Variants in MYH13 observed in about 807,000 individuals in gnomAD.
MYH13 encodes the protein myosin-13.
MYH13 carries 177 observed loss-of-function variants against 232.1 expected under a neutral mutation model. The ratio of observed to expected loss-of-function variants is 0.76; its 90% CI spans 0.67 to 0.86. The LOEUF is 0.86. Among genes scored for constraint, MYH13 ranks in the 40% least tolerant of loss-of-function variants. The probability of loss-of-function intolerance (pLI) is 0.00; values close to 1 mark genes in which losing one functional copy is unlikely to be tolerated. For missense variants in MYH13, 2,246 were observed against 2,405.9 expected (o/e 0.93, Z 1.39); for synonymous variants, 884 against 923.5 (o/e 0.96, Z 0.78).
chr17:10,361,011 C>T (rs2071788056), intron 5 of MYH13, among the ~76,000 whole-genome samples: 1 of 152,146 alleles, frequency 6.6e-6, no homozygotes, highest in South Asian at 2.1e-4. Context: ...CCTGATGACA[C>T]CTTGACTTCG....
rs371040008 is a variant in MYH13, at chr17:10,344,486, A to G, written c.1585-377T>C. ...CTTAGGAAGATATACTCATTCCAAC[A>G]TGAGCAGTGCTCAAATATTATGGGA... is the stretch of plus-strand genomic sequence containing the variant. On this transcript the variant is annotated intron_variant, in intron 15 of 40. Transcript: ENST00000252172. 3.3e-5 allele frequency among the ~76,000 whole-genome samples: 5 copies of G among 152,234 alleles called. No homozygotes were observed. In the East Asian group the frequency reaches 9.6e-4, roughly 29 times the overall value.
chr17:10,343,918 G>T lies in MYH13; in HGVS notation c.1776C>A (p.Ile592=), dbSNP rs371372868. 2 of 1,614,234 alleles carry T rather than the reference G, an allele frequency of 1.2e-6. No individual in the cohort carries two copies. Among genetic ancestry groups the T allele is most frequent in the Non-Finnish European group, 1.7e-6 (2 of 1,180,048 alleles). Residue 592 remains isoleucine, a synonymous_variant, in exon 16 of 41, where the codon ATC becomes ATA. Transcript: ENST00000252172. ...CCTTGTTTTTGTCCAGCCAGCCGGC[G>T]ATGTTGTAGTCCACGGTGCCGGCAT... The part of the protein sequence containing the change: ...VHYAGTVDYN[I]AGWLDKNKDP...
At chr17:10,365,124 C>T (rs1245125791) in intron 2 of MYH13, among the ~76,000 whole-genome samples, 2 of 152,166 alleles carry the variant, frequency 1.3e-5, no homozygotes, top group Admixed American at 6.5e-5. Flanking sequence ...ATCTGCCCGC[C>T]TTGACCTCCC....
chr17:10,332,274 T>C, intron 19 of MYH13, 52 bp from the exon 20 acceptor site: 4 of 1,605,458 alleles, frequency 2.5e-6, no homozygotes, highest in Non-Finnish European at 3.4e-6. Context: ...AAAGGCTTCA[T>C]AGCTGAGACC....
At chr17:10,365,848 T>C (rs1048404584) in intron 2 of MYH13, among the ~76,000 whole-genome samples, 6 of 83,162 alleles carry the variant, frequency 7.2e-5, no homozygotes, top group African/African-American at 2.1e-4. Context: ...ATGGTGTGTG[T>C]GTGTGTGTGT....
At position 10,324,180 on chromosome 17, in the gene MYH13, GCTCCTTGACT is replaced by G; in HGVS notation, c.2766_2775del (p.Lys922AsnfsTer2). 6.2e-7 allele frequency: 1 copy of G among 1,613,884 alleles called. No homozygotes were observed. The highest frequency in any genetic ancestry group is 8.5e-7 in the Non-Finnish European group (1 of 1,179,874). ...TCTTCCTCTTCCAATCTCTCCGTCA[GCTCCTTGACT>G]TTTGCTTCCAGTAGGATCTTGCTTT... On this transcript the variant is annotated frameshift_variant, in exon 23 of 41. Transcript: ENST00000252172. LOFTEE classifies it high-confidence loss of function.
intron 13 of MYH13, 113 bp downstream of exon 13, chr17:10,346,567 A>G (rs1340119179): frequency 1.4e-6 from 1 of 695,582 alleles, no homozygotes; most frequent in Non-Finnish European, 2.2e-6. Flanking sequence ...CTTCCTCTTA[A>G]TGTGAAAGCT....
intron 18 of MYH13, among the ~76,000 whole-genome samples, chr17:10,339,252 A>G (rs1314521311): frequency 3.3e-5 from 5 of 152,226 alleles, no homozygotes; most frequent in African/African-American, 1.2e-4. Context: ...CCTTTTTGTG[A>G]CAAATGACAC....
At chr17:10,360,717 T>C (rs1423330217) in intron 5 of MYH13, among the ~76,000 whole-genome samples, 1 of 152,210 alleles carries the variant, frequency 6.6e-6, no homozygotes, top group East Asian at 1.9e-4. Flanking sequence ...GAATATGACC[T>C]TATTTGGAAA....
At chr17:10,322,707 C>G (rs534933315) in intron 23 of MYH13, among the ~76,000 whole-genome samples, 20 of 143,662 alleles carry the variant, frequency 1.4e-4, no homozygotes, top group African/African-American at 5.1e-4. Flanking sequence ...AGTCTCAGCT[C>G]ACTGCAAGCT....
intron 19 of MYH13, 66 bp from the exon 20 acceptor site, chr17:10,332,288 C>T: frequency 6.3e-7 from 1 of 1,581,408 alleles, no homozygotes. Context: ...TGAGACCAGC[C>T]TTCTAGAATC....
chr17:10,362,273 G>T lies in MYH13; in HGVS notation c.350C>A (p.Thr117Asn), dbSNP rs1024395237. 15 of 1,613,702 alleles carry T rather than the reference G, an allele frequency of 9.3e-6. No homozygotes were observed. The highest frequency in any genetic ancestry group is 1.3e-5 in the Non-Finnish European group (15 of 1,179,774). ...KERYAAWMIY[T>N]YSGLFCVTVN... The stretch of plus-strand genomic sequence containing the variant: ...GGTGACACAGAAGAGGCCTGAGTAG[G>T]TCTGGGAAGATCAGAACATTTATCA... The change falls in exon 5 of 41, where the codon ACC (threonine) becomes AAC (asparagine). Residue 117 changes from threonine (T) to asparagine (N), a missense_variant and splice_region_variant. Transcript: ENST00000252172.
At chr17:10,351,928 T>C (rs2071713707) in intron 11 of MYH13, among the ~76,000 whole-genome samples, 1 of 152,016 alleles carries the variant, frequency 6.6e-6, no homozygotes, top group South Asian at 2.1e-4. Context: ...CAGGATGATA[T>C]TGGAGAGTCA....
At chr17:10,351,589 C>T (rs914320970) in intron 11 of MYH13, among the ~76,000 whole-genome samples, 1 of 152,196 alleles carries the variant, frequency 6.6e-6, no homozygotes, top group Non-Finnish European at 1.5e-5. Context: ...GCCCCTTTAG[C>T]TGTGCAGGTT....
chr17:10,333,030 G>A, intron 19 of MYH13, 44 bp downstream of exon 19: 3 of 1,427,232 alleles, frequency 2.1e-6, no homozygotes, highest in Non-Finnish European at 2.9e-6. Context: ...AATGCAAAAG[G>A]TGCCCTCGGA....
intron 30 of MYH13, 95 bp downstream of exon 30, chr17:10,313,063 G>T (rs777336420): frequency 6.4e-7 from 1 of 1,569,820 alleles, no homozygotes; most frequent in Non-Finnish European, 8.7e-7. Flanking sequence ...CCACAAAGGC[G>T]TGGGCAGGAA....
chr17:10,347,175 G>A (rs2142261710), intron 12 of MYH13, among the ~76,000 whole-genome samples: 1 of 152,294 alleles, frequency 6.6e-6, no homozygotes, highest in East Asian at 1.9e-4. Flanking sequence ...TTCGAGATCA[G>A]CCTGGCCAAT....
intron 23 of MYH13, among the ~76,000 whole-genome samples, chr17:10,322,662 C>G (rs2142235120): frequency 8.4e-6 from 1 of 118,840 alleles, no homozygotes; most frequent in South Asian, 3.1e-4. Flanking sequence ...GAGAGGGAGT[C>G]TCACTCTGTC....
At chr17:10,336,875 C>T (rs1035455195) in intron 18 of MYH13, among the ~76,000 whole-genome samples, 2 of 151,960 alleles carry the variant, frequency 1.3e-5, no homozygotes, top group Non-Finnish European at 2.9e-5. Flanking sequence ...CTGGTGCTTC[C>T]CCTCGTGGCC....
Sources: allele counts gnomAD v4.1 joint callset (sites outside exome capture counted in the v4.1 genomes callset), GRCh38; gene constraint gnomAD v4.1.1; transcripts MANE v1.5; gene names NCBI Gene and HGNC (gene_info 2026-07-23, HGNC 2026-07-21).